PCGF5: variants seen among roughly 807,000 people sequenced by gnomAD.
The protein encoded by PCGF5 is polycomb group ring finger 5.
PCGF5 carries 9 observed loss-of-function variants against 44.3 expected under a neutral mutation model. That is an observed-to-expected ratio of 0.20 (90% CI 0.12 to 0.35). PCGF5 has a LOEUF of 0.35. PCGF5 is among the 10% of genes least tolerant of loss of function. The pLI is 1.00. For synonymous variants in PCGF5, 95 were observed against 102.5 expected (o/e 0.93, Z 0.44); for missense variants, 146 against 305.3 (o/e 0.48, Z 3.89).
chr10:91,188,849 G>A (rs1474065940), intron 1 of PCGF5, among the ~76,000 whole-genome samples: 1 of 152,130 alleles, frequency 6.6e-6, no homozygotes, highest in Non-Finnish European at 1.5e-5. Flanking sequence ...TCCCTAGATA[G>A]CAGTTTATTC....
intron 2 of PCGF5, among the ~76,000 whole-genome samples, chr10:91,237,297 A>T (rs970634307): frequency 1.3e-5 from 2 of 152,232 alleles, no homozygotes; most frequent in Non-Finnish European, 2.9e-5. Flanking sequence ...GTTAACTATG[A>T]TAATAACAGT....
intron 1 of PCGF5, among the ~76,000 whole-genome samples, chr10:91,196,983 G>A (rs1306840736): frequency 6.6e-6 from 1 of 151,988 alleles, no homozygotes; most frequent in African/African-American, 2.4e-5. Context: ...TGCATGATGT[G>A]GAACCATTCA....
At chr10:91,260,613 T>C (rs915202827) in intron 6 of PCGF5, among the ~76,000 whole-genome samples, 3 of 152,230 alleles carry the variant, frequency 2.0e-5, no homozygotes, top group African/African-American at 4.8e-5. Flanking sequence ...ATATACACCA[T>C]GGAATACTAT....
At chr10:91,196,246 G>T (rs111789275) in intron 1 of PCGF5, among the ~76,000 whole-genome samples, 3,156 of 152,284 alleles carry the variant, frequency 0.021, 104 homozygotes, top group African/African-American at 0.069. Flanking sequence ...GTGATGTGAG[G>T]CAAAGATGTC....
upstream of PCGF5, chr10:91,220,166 T>C (rs577674086): frequency 8.4e-6 from 1 of 119,596 alleles, no homozygotes; most frequent in Admixed American, 1.0e-4. Context: ...CGTTCCCGTT[T>C]GCTTATAGTT....
At chr10:91,218,721 C>T (rs535218069), upstream of PCGF5, among the ~76,000 whole-genome samples, 1 of 151,960 alleles carries the variant, frequency 6.6e-6, no homozygotes, top group African/African-American at 2.4e-5. Flanking sequence ...CAACTTCCAC[C>T]TCCTAGGTTC....
At chr10:91,240,947 A>G (rs1326316230) in intron 3 of PCGF5, among the ~76,000 whole-genome samples, 1 of 151,224 alleles carries the variant, frequency 6.6e-6, no homozygotes, top group Non-Finnish European at 1.5e-5. Context: ...TTTTTAATTT[A>G]CCATATATTC....
At chr10:91,175,146 C>T (rs1157694327) in intron 1 of PCGF5, among the ~76,000 whole-genome samples, 1 of 152,166 alleles carries the variant, frequency 6.6e-6, no homozygotes, top group Non-Finnish European at 1.5e-5. Context: ...GGAACTAGAT[C>T]CTCACTTCAC....
intron 2 of PCGF5, among the ~76,000 whole-genome samples, chr10:91,239,736 A>G (rs1845273855): frequency 6.6e-6 from 1 of 152,210 alleles, no homozygotes; most frequent in Non-Finnish European, 1.5e-5. Flanking sequence ...AGAGAGATTT[A>G]TAGCCAGAGA....
chr10:91,275,388 T>C (rs528932481), intron 9 of PCGF5, among the ~76,000 whole-genome samples: 32 of 151,826 alleles, frequency 2.1e-4, no homozygotes, highest in Non-Finnish European at 3.2e-4. Flanking sequence ...GATGAGGCTA[T>C]AGAGGAATGG....
intron 1 of PCGF5, among the ~76,000 whole-genome samples, chr10:91,213,917 A>G (rs1844497333): frequency 6.6e-6 from 1 of 152,194 alleles, no homozygotes. Context: ...AGCCTCTGCT[A>G]CCTGTGAATA....
upstream of PCGF5, among the ~76,000 whole-genome samples, chr10:91,161,245 G>A (rs1843377457): frequency 6.6e-6 from 1 of 152,168 alleles, no homozygotes. Flanking sequence ...CTAGTTGAAC[G>A]TCCAGTTCTT....
intron 1 of PCGF5, among the ~76,000 whole-genome samples, chr10:91,178,571 G>A (rs1589352314): frequency 6.6e-6 from 1 of 151,914 alleles, no homozygotes; most frequent in East Asian, 1.9e-4. Flanking sequence ...TAAAATTTTT[G>A]TAGAGACAGG....
chr10:91,221,536 G>A (rs1012844631), intron 1 of PCGF5, among the ~76,000 whole-genome samples: 1 of 152,178 alleles, frequency 6.6e-6, no homozygotes, highest in African/African-American at 2.4e-5. Context: ...ATGATTACAC[G>A]TAGAGCCTAT....
At chr10:91,158,229 G>T (rs1843343348), upstream of PCGF5, among the ~76,000 whole-genome samples, 2 of 152,166 alleles carry the variant, frequency 1.3e-5, no homozygotes, top group South Asian at 4.1e-4. Context: ...TGTTGGGAAA[G>T]TCCAGCTGCC....
intron 3 of PCGF5, among the ~76,000 whole-genome samples, chr10:91,247,452 A>G (rs181388365): frequency 6.6e-6 from 1 of 152,214 alleles, no homozygotes; most frequent in East Asian, 1.9e-4. Context: ...AAAGATTGAG[A>G]AACAGAATAA....
intron 1 of PCGF5, among the ~76,000 whole-genome samples, chr10:91,165,896 A>G (rs1843491578): frequency 6.6e-6 from 1 of 152,164 alleles, no homozygotes; most frequent in Non-Finnish European, 1.5e-5. Context: ...TTGTAGCAAT[A>G]TTTTCAGGAC....
intron 1 of PCGF5, among the ~76,000 whole-genome samples, chr10:91,197,408 C>T (rs1048832778): frequency 3.3e-5 from 5 of 152,152 alleles, no homozygotes; most frequent in African/African-American, 1.2e-4. Flanking sequence ...AAAATCTCCA[C>T]GGGCAGTGTT....
chr10:91,250,136 G>A (rs940625292), intron 5 of PCGF5, among the ~76,000 whole-genome samples: 3 of 151,962 alleles, frequency 2.0e-5, no homozygotes, highest in Non-Finnish European at 4.4e-5. Context: ...AGCTTGGGTG[G>A]AGAATTCAGA....
Sources: gnomAD v4.1 joint callset for allele counts (sites outside exome capture counted in the v4.1 genomes callset) on GRCh38, gnomAD v4.1.1 for gene constraint, MANE v1.5 for transcripts, NCBI Gene and HGNC (gene_info 2026-07-23, HGNC 2026-07-21) for gene names.